The following DIXDC1 variants were observed in gnomAD, a reference collection of about 807,000 sequenced individuals.
DIXDC1 encodes the protein dixin.
A neutral mutation model predicts 103.1 loss-of-function variants in DIXDC1; 64 were observed. The ratio of observed to expected loss-of-function variants is 0.62; its 90% CI spans 0.51 to 0.76. The LOEUF is 0.76. DIXDC1 is among the 30% of genes least tolerant of loss of function. The pLI is 0.00. For synonymous variants in DIXDC1, 266 were observed against 298.5 expected, an observed-to-expected ratio of 0.89 and a Z score of 1.12; for missense variants, 759 against 834.2, an observed-to-expected ratio of 0.91 and a Z score of 1.11.
At chr11:111,985,413 GCTGTCTTC>G (rs1860457365) in intron 8 of DIXDC1, 92 bp downstream of exon 8, 1 of 1,018,902 alleles carries the variant, frequency 9.8e-7, no homozygotes, top group Middle Eastern at 2.1e-4. Context: ...TTCTTGAAAT[GCTGTCTTC>G]CTTGACCAGT....
At chr11:112,013,805 C>G (rs1464435180) in intron 17 of DIXDC1, among the ~76,000 whole-genome samples, 1 of 152,042 alleles carries the variant, frequency 6.6e-6, no homozygotes, top group East Asian at 1.9e-4. Flanking sequence ...TAAAGGAATA[C>G]CTGAGGCTAG....
rs182388716 is a variant in DIXDC1, at chr11:112,015,789, G to A, written c.1757-902G>A. 5.5e-3 allele frequency among the ~76,000 whole-genome samples: 777 copies of A among 141,580 alleles called. 8 individuals carry two copies. The highest frequency in any genetic ancestry group is 0.019 in the African/African-American group (730 of 38,842). The allele number at this position is 141,580 out of a possible 152,430, so 92.9% of individuals were successfully genotyped here. On this transcript the variant is annotated intron_variant, in intron 17 of 19. Transcript: ENST00000440460. The stretch of plus-strand genomic sequence containing the variant: ...TGCACTCCAGCCTGGGCGACAGAGC[G>A]AGACCCTGTCTTTTTTTTTTTTTTT...
chr11:111,952,450 T>A (rs1168732310), intron 1 of DIXDC1, among the ~76,000 whole-genome samples: 1 of 152,096 alleles, frequency 6.6e-6, no homozygotes, highest in Non-Finnish European at 1.5e-5. Context: ...ATCCCAGACT[T>A]TGGGAGGCCA....
At chr11:111,994,476 CATAT>C (rs139822510) in intron 14 of DIXDC1, among the ~76,000 whole-genome samples, 17 of 150,840 alleles carry the variant, frequency 1.1e-4, no homozygotes, top group African/African-American at 3.2e-4. Context: ...CACATATATA[CATAT>C]ATATACACAC....
At chr11:112,011,603 C>T (rs1555177207) in intron 17 of DIXDC1, among the ~76,000 whole-genome samples, 1 of 152,170 alleles carries the variant, frequency 6.6e-6, no homozygotes, top group Admixed American at 6.5e-5. Context: ...CACATATACA[C>T]CATGGAATAC....
rs371575401 is a variant in DIXDC1 at position 111,977,947 on chromosome 11, G to A, written c.657-2790G>A. On this transcript the variant is annotated intron_variant, in intron 5 of 19. Coordinates refer to ENST00000440460, the MANE Select transcript of DIXDC1 (RefSeq NM_001037954.4). This position sits in a 1 kb window ranked among gnomAD's most constrained non-coding sequence, Gnocchi z 6.1. ...ACCAGGGGTTATCACTATAAAATAC[G>A]GTGGGCGTAGGAAGTGGAGCCAGCA... Among the ~76,000 whole-genome samples the A allele has an allele frequency of 6.6e-6, 1 of 152,112 alleles. No individual in the cohort carries two copies. The highest frequency in any genetic ancestry group is 2.1e-4 in the South Asian group (1 of 4,822).
intron 17 of DIXDC1, among the ~76,000 whole-genome samples, chr11:112,004,100 G>C (rs1171861746): frequency 6.9e-6 from 1 of 143,924 alleles, no homozygotes; most frequent in Non-Finnish European, 1.5e-5. Flanking sequence ...GTATATATAT[G>C]TGTGTGTATA....
intron 2 of DIXDC1, among the ~76,000 whole-genome samples, chr11:111,966,562 C>A (rs1272588772): frequency 6.6e-6 from 1 of 151,948 alleles, no homozygotes; most frequent in Admixed American, 6.6e-5. Context: ...CGCCACCGCG[C>A]CCGGCTAATT....
At chr11:111,970,427 A>G (rs1859880244) in intron 3 of DIXDC1, among the ~76,000 whole-genome samples, 1 of 152,188 alleles carries the variant, frequency 6.6e-6, no homozygotes, top group African/African-American at 2.4e-5. Context: ...CCCACAAACA[A>G]TCCCACTTAC....
rs1859885315 is a variant in DIXDC1, at chr11:111,970,567, CAGG to C, written c.316+1932_316+1934del. On this transcript the variant is annotated intron_variant, in intron 3 of 19. Transcript: ENST00000440460. ...GTCCCAGCTACTCAGGAGGCTGAGA[CAGG>C]AGAATAGCTTGAAAGCAGGAGGCCG... is the stretch of plus-strand genomic sequence containing the variant. Among the ~76,000 whole-genome samples the C allele has an allele frequency of 2.6e-5, 4 of 150,946 alleles. No individual in the cohort carries two copies. In the South Asian group the frequency reaches 8.3e-4, roughly 31 times the overall value.
chr11:111,970,805 C>A (rs1309842557), intron 3 of DIXDC1, among the ~76,000 whole-genome samples: 1 of 152,002 alleles, frequency 6.6e-6, no homozygotes, highest in African/African-American at 2.4e-5. Flanking sequence ...GACTAGAGAA[C>A]CCAGAAATAA....
Position 111,974,913 on chromosome 11 carries a change from T to C in DIXDC1, c.586T>C (p.Trp196Arg). The change falls in exon 5 of 20, where the codon TGG becomes CGG. Residue 196 changes from tryptophan to arginine, a missense_variant. Physicochemically the swap from Trp to Arg is moderately radical, Grantham distance 101. Coordinates refer to ENST00000440460, the MANE Select transcript of DIXDC1 (RefSeq NM_001037954.4). The stretch of plus-strand genomic sequence containing the variant: ...GGATGAGGAAATTGAGAATCCATAC[T>C]GGAGTGTGCGGGCCCTAGTGCAGCA... ...SMDEEIENPY[W>R]SVRALVQQYE... 2 of 1,613,718 alleles carry C rather than the reference T, an allele frequency of 1.2e-6. No homozygotes were observed. The highest frequency in any genetic ancestry group is 8.5e-7 in the Non-Finnish European group (1 of 1,179,824).
intron 10 of DIXDC1, among the ~76,000 whole-genome samples, chr11:111,989,495 G>A (rs1012705241): frequency 6.6e-6 from 1 of 151,608 alleles, no homozygotes; most frequent in Non-Finnish European, 1.5e-5. Context: ...GTGGTGGCAG[G>A]CACCTGTAAT....
intron 17 of DIXDC1, among the ~76,000 whole-genome samples, chr11:112,006,979 G>A (rs984403098): frequency 3.3e-5 from 5 of 152,158 alleles, no homozygotes; most frequent in Admixed American, 2.0e-4. Flanking sequence ...GACAGAAGTC[G>A]GCTTCAGAAG....
chr11:111,982,626 AAG>A, intron 7 of DIXDC1, 139 bp downstream of exon 7: 4 of 913,428 alleles, frequency 4.4e-6, no homozygotes. Context: ...ATAGCACAGA[AAG>A]AGCAGAAAAT....
chr11:112,019,005 C>G lies in DIXDC1; in HGVS notation c.2021C>G (p.Ala674Gly). 1 of 1,613,440 alleles carries G rather than the reference C, an allele frequency of 6.2e-7. No homozygotes were observed. The highest frequency in any genetic ancestry group is 8.5e-7 in the Non-Finnish European group (1 of 1,179,556). ...CCTGGATGGGAAGGGAAAATTGTAG[C>G]TTGGGTGGAAGAAGACCATGGAGAG... ...AIPGWEGKIVAWVEEDHGEN is the reference protein window; with the variant it reads ...AIPGWEGKIVGWVEEDHGEN Residue 674 changes from alanine (A) to glycine (G), a missense_variant, in exon 20 of 20, where the codon GCT becomes GGT. Coordinates refer to ENST00000440460, the MANE Select transcript of DIXDC1 (RefSeq NM_001037954.4).
chr11:112,004,471 C>A (rs1209096430), intron 17 of DIXDC1, among the ~76,000 whole-genome samples: 1 of 152,190 alleles, frequency 6.6e-6, no homozygotes, highest in Non-Finnish European at 1.5e-5. Flanking sequence ...GGCAGAGGGG[C>A]AGGAAACTAT....
intron 5 of DIXDC1, among the ~76,000 whole-genome samples, chr11:111,978,809 G>A (rs1860204883): frequency 1.3e-5 from 2 of 152,306 alleles, no homozygotes; most frequent in African/African-American, 4.8e-5. Context: ...AAGATGAGCA[G>A]CTCTTGCAGG....
At chr11:111,964,334 A>C (rs1247136772) in intron 1 of DIXDC1, among the ~76,000 whole-genome samples, 3 of 152,224 alleles carry the variant, frequency 2.0e-5, no homozygotes, top group African/African-American at 7.2e-5. Flanking sequence ...AGGTTAGCTT[A>C]TCACTGGAGA....
Sources: gnomAD v4.1 joint callset for allele counts (sites outside exome capture counted in the v4.1 genomes callset) on GRCh38, gnomAD v4.1.1 for gene constraint, Gnocchi (gnomAD v3.1) non-coding constraint, MANE v1.5 for transcripts, NCBI Gene and HGNC (gene_info 2026-07-23, HGNC 2026-07-21) for gene names.